Variants in PES1 observed in about 807,000 individuals in gnomAD.
The protein encoded by PES1 is pescadillo homolog.
A neutral mutation model predicts 77.1 loss-of-function variants in PES1; 31 were observed. The ratio of observed to expected loss-of-function variants is 0.40; its 90% CI spans 0.30 to 0.54. PES1 has a LOEUF of 0.54. PES1 is among the 20% of genes least tolerant of loss of function. The pLI is 0.45. For synonymous variants in PES1, 282 were observed against 303.0 expected, an observed-to-expected ratio of 0.93 and a Z score of 0.72; for missense variants, 658 against 771.7, an observed-to-expected ratio of 0.85 and a Z score of 1.75.
intron 6 of PES1, among the ~76,000 whole-genome samples, chr22:30,582,614 C>T (rs1292585086): frequency 6.6e-6 from 1 of 152,178 alleles, no homozygotes; most frequent in Non-Finnish European, 1.5e-5. Flanking sequence ...CAGGATGTTC[C>T]GAGCAACGTG....
chr22:30,580,266 G>A (rs1407139275), intron 10 of PES1, 88 bp from the exon 11 acceptor site: 4 of 1,500,642 alleles, frequency 2.7e-6, no homozygotes, highest in African/African-American at 1.4e-5. Flanking sequence ...TGGCCACCCA[G>A]CCCATAAACT....
chr22:30,586,133 A>C (rs1280449820), intron 4 of PES1, among the ~76,000 whole-genome samples: 1 of 152,228 alleles, frequency 6.6e-6, no homozygotes, highest in Non-Finnish European at 1.5e-5. Context: ...CACCACAACC[A>C]CATCACCACA....
upstream of PES1, among the ~76,000 whole-genome samples, chr22:30,595,070 A>C (rs2087235085): frequency 6.6e-6 from 1 of 152,158 alleles, no homozygotes; most frequent in African/African-American, 2.4e-5. Flanking sequence ...CAGTTAACAT[A>C]TCTCATAATG....
chr22:30,589,703 G>A (rs554218403), intron 1 of PES1, among the ~76,000 whole-genome samples: 1 of 147,954 alleles, frequency 6.8e-6, no homozygotes, highest in South Asian at 2.1e-4. Flanking sequence ...AGCTTTTTAA[G>A]AGTTGGGGCT....
intron 14 of PES1, 50 bp from the exon 15 acceptor site, chr22:30,577,179 G>T: frequency 6.8e-7 from 1 of 1,463,366 alleles, no homozygotes; most frequent in Non-Finnish European, 9.6e-7. Context: ...AGAAGGGAGG[G>T]TGGGGGGCAC....
In PES1 at chr22:30,580,708, A is replaced by G; in HGVS notation, c.913-7T>C. Reference sequence around the variant, plus strand: ...CCTCCTGCGCTGACATCTCCTGTTGAGAAAGGGGCCAGGCCTCGCACCACC... The same window carrying G: ...CCTCCTGCGCTGACATCTCCTGTTGGGAAAGGGGCCAGGCCTCGCACCACC... On this transcript the variant is annotated splice_polypyrimidine_tract_variant and splice_region_variant and intron_variant, in intron 9 of 14. Transcript: ENST00000354694. 1 of 1,612,904 alleles carries G rather than the reference A, an allele frequency of 6.2e-7. No homozygotes were observed. Among genetic ancestry groups the G allele is most frequent in the Non-Finnish European group, 8.5e-7 (1 of 1,179,976 alleles).
intron 2 of PES1, among the ~76,000 whole-genome samples, chr22:30,588,787 G>GAA (rs76819746): frequency 3.6e-5 from 5 of 137,916 alleles, no homozygotes; most frequent in Admixed American, 7.3e-5. Context: ...TGTCTCCGGG[G>GAA]AAAAAAAAAA....
upstream of PES1, among the ~76,000 whole-genome samples, chr22:30,596,767 G>A (rs919875137): frequency 2.6e-5 from 4 of 152,230 alleles, no homozygotes; most frequent in African/African-American, 9.6e-5. Context: ...CCACGCTTGA[G>A]GAGCCCTTCA....
At chr22:30,595,633 T>C (rs1451834517), upstream of PES1, among the ~76,000 whole-genome samples, 31 of 151,256 alleles carry the variant, frequency 2.0e-4, no homozygotes, top group Admixed American at 2.0e-3. Context: ...CCTTCCCCTG[T>C]CAGCCCTGCA....
chr22:30,585,801 C>T (rs900939139), intron 4 of PES1, among the ~76,000 whole-genome samples: 13 of 152,052 alleles, frequency 8.5e-5, no homozygotes. Flanking sequence ...CAGACATTGC[C>T]AAGGTCCTTC....
chr22:30,589,066 G>A (rs915172760), intron 2 of PES1, 125 bp downstream of exon 2: 15 of 659,382 alleles, frequency 2.3e-5, no homozygotes, highest in Middle Eastern at 2.5e-4. Flanking sequence ...AAGCAAGGGC[G>A]GTGAGAAAGA....
rs751727291 is a variant in PES1 at position 30,577,055 on chromosome 22, C to T, written c.1758G>A (p.Arg586=). The change falls in exon 15 of 15, where the codon AGG becomes AGA. Residue 586 remains arginine, a synonymous_variant. Transcript: ENST00000354694. ...GAGGGGCCGCAGGCACTCACTCCGG[C>T]CTTGCCTTCTTGGCCTTCTTCTCAG... The part of the protein sequence containing the change: ...VRSEKKAKKA[R]PE 1.9e-6 allele frequency: 3 copies of T among 1,613,738 alleles called. No homozygotes were observed. The highest frequency in any genetic ancestry group is 1.7e-6 in the Non-Finnish European group (2 of 1,179,898).
intron 10 of PES1, 70 bp from the exon 11 acceptor site, chr22:30,580,248 G>GGA (rs1206999727): frequency 6.5e-7 from 1 of 1,541,012 alleles, no homozygotes; most frequent in Non-Finnish European, 8.7e-7. Flanking sequence ...CAGCTCCCTG[G>GGA]GACCTGCTGG....
chr22:30,589,117 G>A (rs192608678), intron 2 of PES1, 74 bp downstream of exon 2: 4 of 1,108,086 alleles, frequency 3.6e-6, no homozygotes, highest in South Asian at 1.3e-5. Context: ...GGCAACTCAG[G>A]TAAGACAGGG....
chr22:30,605,378 G>T, intron 2 of PES1: 1 of 797,440 alleles, frequency 1.3e-6, no homozygotes, highest in Non-Finnish European at 1.5e-6. Context: ...GTAGGCAGGG[G>T]GGTGTCTCCC....
At chr22:30,577,770 A>C (rs1352890847) in intron 14 of PES1, among the ~76,000 whole-genome samples, 1 of 152,170 alleles carries the variant, frequency 6.6e-6, no homozygotes, top group Non-Finnish European at 1.5e-5. Flanking sequence ...TGCTGGGATT[A>C]CAGGCGTGAG....
At chr22:30,591,210 C>A (rs1488537711) in intron 1 of PES1, among the ~76,000 whole-genome samples, 1 of 152,182 alleles carries the variant, frequency 6.6e-6, no homozygotes, top group East Asian at 1.9e-4. Context: ...TTGCACGATA[C>A]AGTACGTGTC....
At position 30,583,557 on chromosome 22, in the gene PES1, G is replaced by A. The variant is rs145271776; in HGVS notation, c.630+808C>T. ...AGCCTGGCCCACCTGCGGGGCACTA[G>A]AAGCTCCATGAGAGGGCAAAACCAG... On this transcript the variant is annotated intron_variant, in intron 6 of 14. Transcript: ENST00000354694. Among the ~76,000 whole-genome samples, 56 of 152,354 alleles carry A rather than the reference G, an allele frequency of 3.7e-4. No individual in the cohort carries two copies. The East Asian group carries it at 9.8e-3, about 27-fold the overall frequency.
At chr22:30,605,788 A>T (rs971231748) in intron 1 of PES1, among the ~76,000 whole-genome samples, 5 of 152,234 alleles carry the variant, frequency 3.3e-5, no homozygotes, top group Non-Finnish European at 7.3e-5. Flanking sequence ...CCGTAAACAG[A>T]CACACGTTGC....
Sources: gnomAD v4.1 joint callset for allele counts (sites outside exome capture counted in the v4.1 genomes callset) on GRCh38, gnomAD v4.1.1 for gene constraint, MANE v1.5 for transcripts, NCBI Gene and HGNC (gene_info 2026-07-23, HGNC 2026-07-21) for gene names.